The following PDE10A variants were observed in gnomAD, a reference collection of about 807,000 sequenced individuals.
PDE10A encodes phosphodiesterase 10A, also known as cAMP and cAMP-inhibited cGMP 3',5'-cyclic phosphodiesterase 10A.
A neutral mutation model predicts 97.7 loss-of-function variants in PDE10A; 39 were observed. The ratio of observed to expected loss-of-function variants is 0.40; its 90% confidence interval spans 0.31 to 0.52. PDE10A has a LOEUF of 0.52. Ranked by LOEUF, PDE10A falls within the 20% of genes least tolerant of loss-of-function variation. The pLI is 0.56. For missense variants in PDE10A, 731 were observed against 1,047.8 expected (o/e 0.70, Z 4.17); for synonymous variants, 371 against 376.8 (o/e 0.98, Z 0.18).
At chr6:165,333,184 T>A in intron 21 of PDE10A, 57 bp from the exon 22 acceptor site, 1 of 1,070,220 alleles carries the variant, frequency 9.3e-7, no homozygotes, top group Non-Finnish European at 1.5e-6. Context: ...CTGGACTTTG[T>A]CTTGAAAACT....
intron 1 of PDE10A, among the ~76,000 whole-genome samples, chr6:165,809,344 C>G (rs755576912): frequency 1.2e-4 from 19 of 152,214 alleles, no homozygotes; most frequent in African/African-American, 4.6e-4. Context: ...CCATGTCACT[C>G]TCCTTCAGGG....
intron 2 of PDE10A, among the ~76,000 whole-genome samples, chr6:165,501,357 C>G (rs1002414749): frequency 7.2e-5 from 11 of 152,182 alleles, no homozygotes; most frequent in Non-Finnish European, 1.2e-4. Context: ...GTCAGGAGAT[C>G]GAGACCATCC....
chr6:165,416,789 C>T (rs539660032), intron 11 of PDE10A, among the ~76,000 whole-genome samples: 82 of 152,246 alleles, frequency 5.4e-4, no homozygotes, highest in South Asian at 1.0e-3. Context: ...TTATACAGAA[C>T]TGAATTTTAT....
intron 1 of PDE10A, among the ~76,000 whole-genome samples, chr6:165,738,003 T>A (rs914497980): frequency 3.7e-5 from 5 of 134,886 alleles, no homozygotes; most frequent in Non-Finnish European, 5.2e-5. Flanking sequence ...TTCTTTTTTT[T>A]ATTTTATTTT....
intron 2 of PDE10A, among the ~76,000 whole-genome samples, chr6:165,513,797 C>T (rs1781641299): frequency 6.6e-6 from 1 of 151,972 alleles, no homozygotes; most frequent in African/African-American, 2.4e-5. Flanking sequence ...TAATTTCTTT[C>T]AGATTGTTCA....
rs1477531798 is a variant in PDE10A at position 165,671,613 on chromosome 6, C to T, written c.-614-128045G>A. ...CACTACTCGTAGAAGCCCTTAGAGG[C>T]AGCTTTAATAGCTAGGATTTAGGCT... is the stretch of plus-strand genomic sequence containing the variant. On this transcript the variant is annotated intron_variant, in intron 1 of 19. Coordinates refer to the PDE10A transcript ENST00000366882. The surrounding 1 kb of genome is among the most constrained non-coding windows in gnomAD (Gnocchi z 4.6). Among the ~76,000 whole-genome samples, 1 of 152,186 alleles carries T rather than the reference C, an allele frequency of 6.6e-6. No homozygotes were observed. Among genetic ancestry groups the T allele is most frequent in the Non-Finnish European group, 1.5e-5 (1 of 68,038 alleles).
intron 1 of PDE10A, among the ~76,000 whole-genome samples, chr6:165,933,435 G>C (rs999437983): frequency 2.0e-4 from 31 of 152,162 alleles, no homozygotes; most frequent in Non-Finnish European, 2.9e-5. Flanking sequence ...TCTCATTTTA[G>C]ACTTGCTGAG....
chr6:165,874,228 C>A (rs534343773), intron 1 of PDE10A, among the ~76,000 whole-genome samples: 1 of 152,328 alleles, frequency 6.6e-6, no homozygotes, highest in South Asian at 2.1e-4. Flanking sequence ...ATTTTGCCTT[C>A]ATTAAACCCT....
At chr6:165,777,693 T>C in intron 1 of PDE10A, among the ~76,000 whole-genome samples, 1 of 115,310 alleles carries the variant, frequency 8.7e-6, no homozygotes, top group Admixed American at 8.8e-5. Context: ...TCCCCCAGGG[T>C]ATTTACATTT....
intron 3 of PDE10A, among the ~76,000 whole-genome samples, chr6:165,463,596 G>A (rs958278492): frequency 8.5e-5 from 13 of 152,298 alleles, no homozygotes; most frequent in Admixed American, 2.0e-4. Context: ...TGACTCCTGC[G>A]AGAAGTAGCT....
At chr6:165,881,851 A>T (rs1781488330) in intron 1 of PDE10A, among the ~76,000 whole-genome samples, 1 of 152,104 alleles carries the variant, frequency 6.6e-6, no homozygotes, top group Non-Finnish European at 1.5e-5. Context: ...ATACATATAT[A>T]TTTTTTTCTC....
chr6:165,968,974 A>G (rs765338024), intron 1 of PDE10A, among the ~76,000 whole-genome samples: 9 of 152,078 alleles, frequency 5.9e-5, no homozygotes, highest in Non-Finnish European at 1.2e-4. Flanking sequence ...CCCTGATGAA[A>G]CCTCCCTGTC....
intron 1 of PDE10A, among the ~76,000 whole-genome samples, chr6:165,869,347 A>G (rs1255872637): frequency 1.3e-5 from 1 of 74,172 alleles, no homozygotes; most frequent in Non-Finnish European, 2.6e-5. Flanking sequence ...TTATAATACT[A>G]CAAAAGAAAA....
In PDE10A at chr6:165,662,309, TGTC is replaced by T; in HGVS notation, c.500_502del (p.Gly167_Gln168delinsGlu). On this transcript the variant is annotated inframe_deletion, in exon 1 of 22. Transcript: ENST00000539869. ...GGGGACGCTCAAGGGAGCTGCCTCT[TGTC>T]CTCCTCCTCCTCCTCCGCCAGCATC... 6.3e-6 allele frequency: 1 copy of T among 158,728 alleles called. No homozygotes were observed. Among genetic ancestry groups the T allele is most frequent in the African/African-American group, 2.5e-5 (1 of 39,968 alleles). The allele number at this position is 158,728 out of a possible 1,614,324, so 9.8% of individuals were successfully genotyped here. A position where few individuals can be genotyped will look rare whatever the true frequency, so the allele number is the denominator to read the frequency against.
At chr6:165,928,009 A>C (rs1782998775) in intron 1 of PDE10A, among the ~76,000 whole-genome samples, 2 of 150,790 alleles carry the variant, frequency 1.3e-5, no homozygotes, top group African/African-American at 4.8e-5. Context: ...GAATGACATA[A>C]ATTTTTAAAT....
chr6:165,917,350 A>G (rs892991403), intron 1 of PDE10A, among the ~76,000 whole-genome samples: 1 of 152,004 alleles, frequency 6.6e-6, no homozygotes, highest in Non-Finnish European at 1.5e-5. Context: ...TTAGGACTCA[A>G]CCCCGGTCTA....
At chr6:165,334,403 C>T (rs979572536) in intron 21 of PDE10A, among the ~76,000 whole-genome samples, 8 of 150,264 alleles carry the variant, frequency 5.3e-5, no homozygotes, top group Non-Finnish European at 5.9e-5. Context: ...GCCTCCATAG[C>T]GCCCTACAGC....
chr6:165,343,596 G>A (rs1782114092), intron 18 of PDE10A, 94 bp from the exon 19 acceptor site: 3 of 857,692 alleles, frequency 3.5e-6, no homozygotes, highest in Non-Finnish European at 6.0e-6. Context: ...TGAAGTTTAA[G>A]TATGTATTAC....
chr6:165,450,371 TA>T lies in PDE10A; in HGVS notation c.1024-10del, dbSNP rs1281889059. The T allele has an allele frequency of 1.3e-6, 2 of 1,485,730 alleles. No individual in the cohort carries two copies. Among genetic ancestry groups the T allele is most frequent in the South Asian group, 1.3e-5 (1 of 79,228 alleles). The allele number at this position is 1,485,730 out of a possible 1,614,324, so 92.0% of individuals were successfully genotyped here. A position where few individuals can be genotyped will look rare whatever the true frequency, so the allele number is the denominator to read the frequency against. On this transcript the variant is annotated splice_polypyrimidine_tract_variant and intron_variant, in intron 3 of 21. Coordinates refer to ENST00000539869, the MANE Select transcript of PDE10A (RefSeq NM_001385079.1). The stretch of plus-strand genomic sequence containing the variant: ...ATATTCGTATCTTGGTACTTTGGAT[TA>T]AAAATAACAAAAATAAAAACAGAGT...
Sources: gnomAD v4.1 joint callset for allele counts (sites outside exome capture counted in the v4.1 genomes callset) on GRCh38, gnomAD v4.1.1 for gene constraint, Gnocchi (gnomAD v3.1) non-coding constraint, MANE v1.5 for transcripts, NCBI Gene and HGNC (gene_info 2026-07-23, HGNC 2026-07-21) for gene names.